Variants in WDHD1 observed in about 807,000 individuals in gnomAD.
The protein encoded by WDHD1 is WD repeat and HMG-box DNA binding protein 1.
Under a neutral mutation model 135.4 loss-of-function variants are expected in WDHD1, and 111 were observed. The observed-to-expected ratio is 0.82, with a 90% CI of 0.70 to 0.96. WDHD1 has a LOEUF of 0.96. Among genes scored for constraint, WDHD1 ranks in the 40% least tolerant of loss-of-function variants. The pLI is 0.00. For missense variants in WDHD1, 1,351 were observed against 1,336.3 expected, an observed-to-expected ratio of 1.01 and a Z score of -0.17; for synonymous variants, 434 against 439.0, an observed-to-expected ratio of 0.99 and a Z score of 0.14.
chr14:54,989,604 C>G (rs1595097877), intron 12 of WDHD1, among the ~76,000 whole-genome samples: 2 of 151,898 alleles, frequency 1.3e-5, no homozygotes, highest in African/African-American at 4.8e-5. Flanking sequence ...CAAATAACAA[C>G]AGACTTTTTT....
Position 54,957,108 on chromosome 14 carries a change from C to A in WDHD1, c.2842G>T (p.Ala948Ser). The change falls in exon 23 of 26, where the codon GCA becomes TCA. Residue 948 changes from alanine to serine, a missense_variant. By Grantham distance (99) the Ala-to-Ser change is moderately conservative. Transcript: ENST00000360586. ...NMGKSSKKST[A>S]LSRTTNNEKS... ...TCATTATTTGTAGTTCGACTAAGTGCAGTGGATTTCTTGGATGATTTGCCC... is the reference window on the plus strand; with the variant it reads ...TCATTATTTGTAGTTCGACTAAGTGAAGTGGATTTCTTGGATGATTTGCCC... 2 of 1,614,088 alleles carry A rather than the reference C, an allele frequency of 1.2e-6. No homozygotes were observed. Among genetic ancestry groups the A allele is most frequent in the Non-Finnish European group, 1.7e-6 (2 of 1,179,998 alleles).
chr14:54,985,644 G>C (rs1409398682), intron 14 of WDHD1, among the ~76,000 whole-genome samples: 1 of 152,228 alleles, frequency 6.6e-6, no homozygotes, highest in African/African-American at 2.4e-5. Context: ...GATCACCTAG[G>C]CTGCTCTGTG....
At chr14:54,986,096 C>T (rs1050666520) in intron 14 of WDHD1, among the ~76,000 whole-genome samples, 107 of 152,282 alleles carry the variant, frequency 7.0e-4, no homozygotes, top group Non-Finnish European at 1.9e-4. Flanking sequence ...GTCATAGACA[C>T]TGAGATGTAT....
At chr14:55,015,379 CAAAAAAAAAAAAAA>C (rs60609405) in intron 2 of WDHD1, among the ~76,000 whole-genome samples, 1 of 54,440 alleles carries the variant, frequency 1.8e-5, no homozygotes, top group African/African-American at 8.3e-5. Flanking sequence ...GACACTGTCT[CAAAAAAAAAAAAAA>C]AAAAAAAAAA....
intron 16 of WDHD1, among the ~76,000 whole-genome samples, chr14:54,975,021 C>T (rs1387058362): frequency 6.6e-6 from 1 of 152,156 alleles, no homozygotes; most frequent in African/African-American, 2.4e-5. Context: ...CTCTTCCAGG[C>T]CACAGCCTCA....
In WDHD1 at chr14:54,941,570, G is replaced by T; in HGVS notation, c.3310C>A (p.Leu1104Met). The change falls in exon 26 of 26, where the codon CTG becomes ATG. Residue 1104 changes from leucine to methionine, a missense_variant. This residue lies in a region of WDHD1 where 1,330 missense variants were observed against 1,296.1 expected (regional missense o/e 1.03). Coordinates refer to ENST00000360586, the MANE Select transcript of WDHD1 (RefSeq NM_007086.4). ...GGTTTCTGCTTTTTAGACAAATTCA[G>T]GTTCTCTTTTGCTTTTTCTTCCTGG... ...ENQEEKAKEN[L>M]NLSKKQKPLD... is the part of the protein sequence containing the mutation. 1.2e-5 allele frequency: 19 copies of T among 1,613,846 alleles called. No homozygotes were observed. Among genetic ancestry groups the T allele is most frequent in the Non-Finnish European group, 1.6e-5 (19 of 1,179,934 alleles).
At chr14:54,953,159 A>G (rs2041090864) in intron 24 of WDHD1, among the ~76,000 whole-genome samples, 1 of 152,238 alleles carries the variant, frequency 6.6e-6, no homozygotes, top group Non-Finnish European at 1.5e-5. Context: ...TCTGCACAGC[A>G]AAAGAAACTA....
At chr14:54,982,233 T>C (rs1231011059) in intron 15 of WDHD1, among the ~76,000 whole-genome samples, 2 of 152,008 alleles carry the variant, frequency 1.3e-5, no homozygotes, top group African/African-American at 4.8e-5. Flanking sequence ...ATGGTCTCAA[T>C]CTCCTGACCT....
chr14:55,023,974 T>C (rs2042391269), intron 2 of WDHD1, among the ~76,000 whole-genome samples: 1 of 152,252 alleles, frequency 6.6e-6, no homozygotes, highest in South Asian at 2.1e-4. Context: ...TAGTAAATGA[T>C]AAAATACGCT....
At chr14:54,971,069 C>T (rs985935423) in intron 16 of WDHD1, among the ~76,000 whole-genome samples, 6 of 152,176 alleles carry the variant, frequency 3.9e-5, no homozygotes, top group Admixed American at 2.0e-4. Flanking sequence ...TAACTATCAC[C>T]ATGTGCAAAA....
At chr14:55,020,743 T>G (rs532521363) in intron 2 of WDHD1, among the ~76,000 whole-genome samples, 1 of 152,162 alleles carries the variant, frequency 6.6e-6, no homozygotes, top group Non-Finnish European at 1.5e-5. Flanking sequence ...AAAATCCACA[T>G]AGAAGTTTTG....
At chr14:54,999,725 T>C (rs566701915) in intron 10 of WDHD1, among the ~76,000 whole-genome samples, 9 of 152,070 alleles carry the variant, frequency 5.9e-5, no homozygotes, top group Admixed American at 5.2e-4. Context: ...GCCTTCTGAG[T>C]AGGAGCATGA....
intron 14 of WDHD1, 127 bp downstream of exon 14, chr14:54,987,019 A>T: frequency 9.0e-7 from 1 of 1,109,056 alleles, no homozygotes; most frequent in Non-Finnish European, 1.3e-6. Flanking sequence ...AAAATTATCT[A>T]CATTTAAAGA....
Position 54,991,066 on chromosome 14 carries a change from A to T in WDHD1, c.1341+147T>A, listed in dbSNP as rs112297457. The T allele has an allele frequency of 6.7e-4, 348 of 517,352 alleles. 1 individual carries two copies. Among genetic ancestry groups the T allele is most frequent in the African/African-American group, 6.1e-3 (324 of 53,196 alleles). The allele number at this position is 517,352 out of a possible 1,614,324, so 32.0% of individuals were successfully genotyped here. ...AAAACTGTGAGCTAACCATAAAATA[A>T]ACCAACCACAAAACTGTAATCAACC... On this transcript the variant is annotated intron_variant, in intron 12 of 25. Coordinates refer to ENST00000360586, the MANE Select transcript of WDHD1 (RefSeq NM_007086.4).
Position 54,995,814 on chromosome 14 carries a change from C to G in WDHD1, c.943-1G>C. The stretch of plus-strand genomic sequence containing the variant: ...AATCCTTTTCCACTCTGCTAGATAC[C>G]TTGAACAAATTAATACAAATTATAA... On this transcript the variant is annotated splice_acceptor_variant, in intron 10 of 25. Coordinates refer to ENST00000360586, the MANE Select transcript of WDHD1 (RefSeq NM_007086.4). LOFTEE classifies it high-confidence loss of function. The G allele has an allele frequency of 6.5e-7, 1 of 1,541,438 alleles. No individual in the cohort carries two copies. Among genetic ancestry groups the G allele is most frequent in the Non-Finnish European group, 8.7e-7 (1 of 1,143,752 alleles).
chr14:54,995,779 A>G lies in WDHD1; in HGVS notation c.977T>C (p.Leu326Pro). The stretch of plus-strand genomic sequence containing the variant: ...ATTACTCATATCATCTCCATCAAAA[A>G]GATCATTATAATCCTTTTCCACTCT... The part of the protein sequence containing the change: ...SSRVEKDYND[L>P]FDGDDMSNAG... The change falls in exon 11 of 26, where the codon CTT becomes CCT. Residue 326 changes from leucine (L) to proline (P), a missense_variant. By Grantham distance (98) the Leu-to-Pro change is moderately conservative. Coordinates refer to ENST00000360586, the MANE Select transcript of WDHD1 (RefSeq NM_007086.4). 1 of 1,610,928 alleles carries G rather than the reference A, an allele frequency of 6.2e-7. No individual in the cohort carries two copies. Among genetic ancestry groups the G allele is most frequent in the Non-Finnish European group, 8.5e-7 (1 of 1,178,560 alleles).
At chr14:54,975,923 G>A (rs375626261) in intron 16 of WDHD1, among the ~76,000 whole-genome samples, 1 of 152,160 alleles carries the variant, frequency 6.6e-6, no homozygotes, top group South Asian at 2.1e-4. Flanking sequence ...ACTGAGTTGG[G>A]TTAGAAAATG....
At chr14:55,004,383 T>C (rs1325844480) in intron 7 of WDHD1, among the ~76,000 whole-genome samples, 2 of 152,242 alleles carry the variant, frequency 1.3e-5, no homozygotes, top group Non-Finnish European at 2.9e-5. Context: ...AACTGAATTA[T>C]TTGCATCACT....
Position 54,987,331 on chromosome 14 carries a change from T to A in WDHD1, c.1583A>T (p.Asp528Val), listed in dbSNP as rs2041709701. 8.7e-6 allele frequency: 14 copies of A among 1,613,808 alleles called. No individual in the cohort carries two copies. In the East Asian group the frequency reaches 2.7e-4, roughly 31 times the overall value. Residue 528 changes from aspartate to valine, a missense_variant, in exon 14 of 26, where the codon GAC (aspartate) becomes GTC (valine). Coordinates refer to ENST00000360586, the MANE Select transcript of WDHD1 (RefSeq NM_007086.4). ...SWDSSKEWIIDLPQNEDIEAI... is the reference protein window; with the variant it reads ...SWDSSKEWIIVLPQNEDIEAI... ...TTCAATATCCTCATTCTGAGGCAAGTCTATTATCCACTCTTTGCTTGAATC... is the reference window on the plus strand; with the variant it reads ...TTCAATATCCTCATTCTGAGGCAAGACTATTATCCACTCTTTGCTTGAATC...
Sources: allele counts gnomAD v4.1 joint callset (sites outside exome capture counted in the v4.1 genomes callset), GRCh38; gene constraint gnomAD v4.1.1; regional missense constraint gnomAD v4.1.1; transcripts MANE v1.5; gene names NCBI Gene and HGNC (gene_info 2026-07-23, HGNC 2026-07-21).